The following TTYH3 variants were observed in gnomAD, a reference collection of about 807,000 sequenced individuals.
TTYH3 encodes tweety family member 3.
In TTYH3, 23 loss-of-function variants were observed where a neutral mutation model predicts 68.2. The observed-to-expected ratio is 0.34, with a 90% CI of 0.24 to 0.48. The LOEUF is 0.48. Among genes scored for constraint, TTYH3 ranks in the 20% least tolerant of loss-of-function variants. The probability of loss-of-function intolerance (pLI) is 0.99; values close to 1 mark genes in which losing one functional copy is unlikely to be tolerated. For missense variants in TTYH3, 768 were observed against 727.7 expected, an observed-to-expected ratio of 1.06 and a Z score of -0.64; for synonymous variants, 360 against 332.8, an observed-to-expected ratio of 1.08 and a Z score of -0.89.
At chr7:2,648,284 G>T (rs554262265) in intron 5 of TTYH3, 1 of 532,406 alleles carries the variant, frequency 1.9e-6, no homozygotes, top group South Asian at 2.5e-5. Flanking sequence ...TTGATTTCCT[G>T]CAAGAGTCTG....
At chr7:2,650,799 G>T (rs1008733970) in intron 7 of TTYH3, among the ~76,000 whole-genome samples, 4 of 151,916 alleles carry the variant, frequency 2.6e-5, no homozygotes, top group African/African-American at 9.7e-5. Flanking sequence ...GGCCTCAAGG[G>T]TTACAAGAGT....
intron 8 of TTYH3, 133 bp from the exon 9 acceptor site, chr7:2,652,785 G>T: frequency 1.4e-6 from 1 of 698,476 alleles, no homozygotes; most frequent in Non-Finnish European, 2.4e-6. Context: ...GTGCCCTGTT[G>T]GCCTGCAGAG....
rs1343101717 is a variant in TTYH3, at chr7:2,652,199, A to G, written c.884A>G (p.Tyr295Cys). The change falls in exon 8 of 14, where the codon TAC becomes TGC. Residue 295 changes from tyrosine to cysteine, a missense_variant. Transcript: ENST00000258796. ...YSVLSGDILQ[Y>C]YLACSPRAAN... Reference sequence around the variant, plus strand: ...TGTCTCTCCGCAGACATCCTGCAGTACTACCTGGCCTGCTCGCCCCGCGCC... The same window carrying G: ...TGTCTCTCCGCAGACATCCTGCAGTGCTACCTGGCCTGCTCGCCCCGCGCC... 5 of 1,613,354 alleles carry G rather than the reference A, an allele frequency of 3.1e-6. No homozygotes were observed. Among genetic ancestry groups the G allele is most frequent in the Non-Finnish European group, 4.2e-6 (5 of 1,180,004 alleles).
At chr7:2,639,272 G>A (rs1410895374) in intron 1 of TTYH3, among the ~76,000 whole-genome samples, 1 of 152,190 alleles carries the variant, frequency 6.6e-6, no homozygotes, top group East Asian at 1.9e-4. Flanking sequence ...TCAGGCCAGG[G>A]CCTGGCTGGT....
chr7:2,640,849 G>A lies in TTYH3; in HGVS notation c.124-6004G>A, dbSNP rs568289714. On this transcript the variant is annotated intron_variant, in intron 1 of 13. Coordinates refer to ENST00000258796, the MANE Select transcript of TTYH3 (RefSeq NM_025250.3). ...GGCCCTCCCTTCTCCAAGCAGGGCT[G>A]GGTTGGGGCCACCCACCTGTGCAGG... is the stretch of plus-strand genomic sequence containing the variant. Among the ~76,000 whole-genome samples, 5 of 152,356 alleles carry A rather than the reference G, an allele frequency of 3.3e-5. No homozygotes were observed. The East Asian group carries it at 7.7e-4, about 24-fold the overall frequency.
At chr7:2,650,932 C>T (rs560673071) in intron 7 of TTYH3, among the ~76,000 whole-genome samples, 5 of 151,004 alleles carry the variant, frequency 3.3e-5, no homozygotes, top group South Asian at 4.2e-4. Context: ...ATGTAGGGAG[C>T]GAGAGGGACG....
chr7:2,650,444 C>G (rs562445194), intron 7 of TTYH3, among the ~76,000 whole-genome samples: 1 of 151,968 alleles, frequency 6.6e-6, no homozygotes, highest in Non-Finnish European at 1.5e-5. Flanking sequence ...TGGGTGTGGT[C>G]GTGGGTGCCT....
Position 2,652,925 on chromosome 7 carries a change from C to T in TTYH3, c.935C>T (p.Ser312Leu), listed in dbSNP as rs368888956. The change falls in exon 9 of 14, where the codon TCG becomes TTG. Residue 312 changes from serine (S) to leucine (L), a missense_variant. Coordinates refer to ENST00000258796, the MANE Select transcript of TTYH3 (RefSeq NM_025250.3). Reference sequence around the variant, plus strand: ...GTCTCCTCTCTGGAGCAGAAGCTGTCGGGCAGCCACAAGGCACTGGTGGAG... The same window carrying T: ...GTCTCCTCTCTGGAGCAGAAGCTGTTGGGCAGCCACAAGGCACTGGTGGAG... ...RAANPFQQKL[S>L]GSHKALVEMQ... 107 of 1,565,904 alleles carry T rather than the reference C, an allele frequency of 6.8e-5. No individual in the cohort carries two copies. The highest frequency in any genetic ancestry group is 3.4e-4 in the Middle Eastern group (2 of 5,964).
intron 1 of TTYH3, among the ~76,000 whole-genome samples, chr7:2,640,094 C>T (rs1413067600): frequency 6.6e-6 from 1 of 152,246 alleles, no homozygotes; most frequent in Non-Finnish European, 1.5e-5. Context: ...TATGTCTTCG[C>T]TTCCCTCCCT....
rs575349361 is a variant in TTYH3, at chr7:2,648,816, G to A, written c.723-751G>A. Among the ~76,000 whole-genome samples the A allele has an allele frequency of 5.3e-5, 8 of 152,188 alleles. No individual in the cohort carries two copies. In the South Asian group the frequency reaches 1.5e-3, roughly 28 times the overall value. On this transcript the variant is annotated intron_variant, in intron 5 of 13. Transcript: ENST00000258796. ...GACCTGAGCGAGGAGGGATTGAGCA[G>A]GGGCCCAAGGGAGTAAGGGACGCCT...
chr7:2,637,756 C>T (rs1403837883), intron 1 of TTYH3, among the ~76,000 whole-genome samples: 1 of 152,130 alleles, frequency 6.6e-6, no homozygotes, highest in Non-Finnish European at 1.5e-5. Flanking sequence ...CCTCCTGTAC[C>T]CGGGCCTGCC....
chr7:2,656,979 A>G (rs1173643483), intron 11 of TTYH3, among the ~76,000 whole-genome samples: 1 of 152,236 alleles, frequency 6.6e-6, no homozygotes, highest in Non-Finnish European at 1.5e-5. Flanking sequence ...GGGGTAGTCC[A>G]GGTAGCTGTG....
chr7:2,636,357 G>A (rs984957131), intron 1 of TTYH3, among the ~76,000 whole-genome samples: 5 of 152,244 alleles, frequency 3.3e-5, no homozygotes, highest in East Asian at 1.9e-4. Flanking sequence ...AGGGAAGAGC[G>A]TGAGACAGAA....
rs533444449 is a variant in TTYH3, at chr7:2,649,516, C to T, written c.723-51C>T. ...TTCTGGCCTGCAGCCCAGCAGGTGG[C>T]ACGGCCCCCACCCTGGCCTGGGGGC... On this transcript the variant is annotated intron_variant, in intron 5 of 13. Transcript: ENST00000258796. 29 of 1,524,274 alleles carry T rather than the reference C, an allele frequency of 1.9e-5. No individual in the cohort carries two copies. In the South Asian group the frequency reaches 2.7e-4, roughly 14 times the overall value. The allele number at this position is 1,524,274 out of a possible 1,614,324, so 94.4% of individuals were successfully genotyped here. A position where few individuals can be genotyped will look rare whatever the true frequency, so the allele number is the denominator to read the frequency against.
chr7:2,632,257 C>G lies in TTYH3; in HGVS notation c.102C>G (p.Pro34=), dbSNP rs1785541938. The change falls in exon 1 of 14, where the codon CCC becomes CCG. Residue 34 remains proline, a synonymous_variant. Coordinates refer to ENST00000258796, the MANE Select transcript of TTYH3 (RefSeq NM_025250.3). ...AGGCCACTAGCAGCCAGTTCCGGCCCGAGGACACCGACTACCAGCAGGTGA... is the reference window on the plus strand; with the variant it reads ...AGGCCACTAGCAGCCAGTTCCGGCCGGAGGACACCGACTACCAGCAGGTGA... ...SWEATSSQFR[P]EDTDYQQALL... is the part of the protein sequence containing the mutation. 6.3e-7 allele frequency: 1 copy of G among 1,585,218 alleles called. No homozygotes were observed. Among genetic ancestry groups the G allele is most frequent in the Non-Finnish European group, 8.6e-7 (1 of 1,163,588 alleles).
At chr7:2,638,072 G>A (rs561510404) in intron 1 of TTYH3, among the ~76,000 whole-genome samples, 1 of 152,286 alleles carries the variant, frequency 6.6e-6, no homozygotes, top group East Asian at 1.9e-4. Context: ...GTTCTGGGGT[G>A]CACCCAGCTC....
intron 7 of TTYH3, 55 bp from the exon 8 acceptor site, chr7:2,652,132 G>T (rs1341486518): frequency 1.6e-5 from 24 of 1,494,124 alleles, no homozygotes; most frequent in Non-Finnish European, 2.2e-5. Flanking sequence ...AGACGTGCAC[G>T]CAGTCTCACA....
intron 13 of TTYH3, among the ~76,000 whole-genome samples, 186 bp from the exon 14 acceptor site, chr7:2,661,482 C>T (rs1430971595): frequency 2.0e-5 from 3 of 152,124 alleles, no homozygotes; most frequent in South Asian, 2.1e-4. Context: ...AGACCTAGAG[C>T]GCAGGGGCCC....
At chr7:2,652,842 G>C (rs1285605378) in intron 8 of TTYH3, 76 bp from the exon 9 acceptor site, 5 of 1,229,666 alleles carry the variant, frequency 4.1e-6, no homozygotes, top group Non-Finnish European at 3.5e-6. Context: ...TGGTGTCCCC[G>C]CGTTGGAGGG....
Sources: allele counts gnomAD v4.1 joint callset (sites outside exome capture counted in the v4.1 genomes callset), GRCh38; gene constraint gnomAD v4.1.1; transcripts MANE v1.5; gene names NCBI Gene and HGNC (gene_info 2026-07-23, HGNC 2026-07-21).